PTPRN2: variants seen among roughly 807,000 people sequenced by gnomAD.
The protein encoded by PTPRN2 is receptor-type tyrosine-protein phosphatase N2.
A neutral mutation model predicts 118.8 loss-of-function variants in PTPRN2; 74 were observed. The ratio of observed to expected loss-of-function variants is 0.62; its 90% confidence interval spans 0.52 to 0.76. The LOEUF (loss-of-function observed/expected upper bound fraction) is 0.76, where lower values mean the gene tolerates loss of function less well. Ranked by LOEUF, PTPRN2 falls within the 30% of genes least tolerant of loss-of-function variation. The probability of loss-of-function intolerance (pLI) is 0.00; values close to 1 mark genes in which losing one functional copy is unlikely to be tolerated. For synonymous variants in PTPRN2, 641 were observed against 608.0 expected (o/e 1.05, Z -0.80); for missense variants, 1,481 against 1,394.4 (o/e 1.06, Z -0.99).
At chr7:158,229,311 T>C (rs118165545) in intron 3 of PTPRN2, among the ~76,000 whole-genome samples, 24 of 151,966 alleles carry the variant, frequency 1.6e-4, no homozygotes, top group African/African-American at 5.8e-4. Context: ...CTGGAGTAAA[T>C]AAATAATCCT....
intron 15 of PTPRN2, among the ~76,000 whole-genome samples, chr7:157,613,850 C>CA (rs1491209833): frequency 6.6e-6 from 1 of 152,218 alleles, no homozygotes; most frequent in Admixed American, 6.5e-5. Context: ...GCGGCCCCCC[C>CA]ACAGTGTGCC....
chr7:158,327,201 A>G (rs1330745079), intron 2 of PTPRN2, among the ~76,000 whole-genome samples: 2 of 150,456 alleles, frequency 1.3e-5, no homozygotes, highest in African/African-American at 2.5e-5. Flanking sequence ...TCACACATGC[A>G]CACATTCTCA....
rs148518192 is a variant in PTPRN2 at position 158,450,904 on chromosome 7, A to T, written c.163+38831T>A. On this transcript the variant is annotated intron_variant, in intron 2 of 22. Coordinates refer to ENST00000389418, the MANE Select transcript of PTPRN2 (RefSeq NM_002847.5). ...AGCCGCAGCAAACACACCTCTCCAC[A>T]TTCCAGCACACCTGCCCACCTGCTG... Among the ~76,000 whole-genome samples the T allele has an allele frequency of 3.0e-3, 452 of 152,264 alleles. 15 individuals are homozygous for T. The South Asian group carries it at 0.051, about 17-fold the overall frequency.
At chr7:158,448,922 C>A (rs1817912543) in intron 2 of PTPRN2, among the ~76,000 whole-genome samples, 1 of 152,196 alleles carries the variant, frequency 6.6e-6, no homozygotes, top group Non-Finnish European at 1.5e-5. Context: ...CGGCACTTTG[C>A]ACTTTGTGTC....
chr7:158,341,637 C>T (rs1445136598), intron 2 of PTPRN2, among the ~76,000 whole-genome samples: 3 of 85,302 alleles, frequency 3.5e-5, no homozygotes, highest in Non-Finnish European at 7.4e-5. Flanking sequence ...AGAGGTAACA[C>T]ATGCAGACGT....
chr7:157,800,700 C>T (rs965710665), intron 12 of PTPRN2, among the ~76,000 whole-genome samples: 1 of 152,060 alleles, frequency 6.6e-6, no homozygotes, highest in African/African-American at 2.4e-5. Context: ...GGCCTGTAAT[C>T]CCAGCACTTT....
At chr7:158,047,343 G>A (rs955355565) in intron 11 of PTPRN2, among the ~76,000 whole-genome samples, 3 of 152,244 alleles carry the variant, frequency 2.0e-5, no homozygotes, top group Admixed American at 1.3e-4. Context: ...CAGCTCAGGA[G>A]AATAAACAAG....
At chr7:158,440,594 T>G (rs1463801772) in intron 2 of PTPRN2, among the ~76,000 whole-genome samples, 1 of 150,380 alleles carries the variant, frequency 6.6e-6, no homozygotes, top group Non-Finnish European at 1.5e-5. Flanking sequence ...ACAATGGTGG[T>G]GGTGATGGTG....
chr7:158,249,122 CCACA>C (rs1272166064), intron 3 of PTPRN2, among the ~76,000 whole-genome samples: 1 of 151,452 alleles, frequency 6.6e-6, no homozygotes, highest in African/African-American at 2.4e-5. Context: ...CATGAACATG[CCACA>C]CACACCACAC....
intron 2 of PTPRN2, among the ~76,000 whole-genome samples, chr7:158,336,978 ATGCC>A (rs1563166220): frequency 0.032 from 816 of 25,640 alleles, no homozygotes; most frequent in African/African-American, 0.05. Flanking sequence ...ATAAGAGCTG[ATGCC>A]CGCAGACGTC....
Position 157,711,789 on chromosome 7 carries a change from G to A in PTPRN2, c.1789-28852C>T, listed in dbSNP as rs565800752. ...GGGCATATGTGTCTCTCCCATGGCC[G>A]TCATTTTCTACCGACTTTGTTATTT... On this transcript the variant is annotated intron_variant, in intron 12 of 22. Coordinates refer to ENST00000389418, the MANE Select transcript of PTPRN2 (RefSeq NM_002847.5). 1.1e-4 allele frequency among the ~76,000 whole-genome samples: 17 copies of A among 152,108 alleles called. No homozygotes were observed. The South Asian group carries it at 2.3e-3, about 20-fold the overall frequency.
At chr7:158,305,656 C>A (rs973849797) in intron 3 of PTPRN2, among the ~76,000 whole-genome samples, 1 of 152,118 alleles carries the variant, frequency 6.6e-6, no homozygotes, top group Non-Finnish European at 1.5e-5. Context: ...CTGTAGACAT[C>A]AGTGAAAATG....
chr7:157,715,296 G>T (rs1400672037), intron 12 of PTPRN2, among the ~76,000 whole-genome samples: 1 of 152,178 alleles, frequency 6.6e-6, no homozygotes, highest in East Asian at 1.9e-4. Flanking sequence ...GAGACAGGCC[G>T]GCGGCCGCGG....
At position 157,753,720 on chromosome 7, in the gene PTPRN2, A is replaced by C. The variant is rs563469662; in HGVS notation, c.1789-70783T>G. ...TAACGCCTCCCCTCCGTTCTCTACC[A>C]TGTGCCAGGCCCCACACCTGCCCTA... On this transcript the variant is annotated intron_variant, in intron 12 of 22. Transcript: ENST00000389418. 2.0e-5 allele frequency among the ~76,000 whole-genome samples: 3 copies of C among 147,970 alleles called. No individual in the cohort carries two copies. In the East Asian group the frequency reaches 5.9e-4, roughly 29 times the overall value.
intron 3 of PTPRN2, among the ~76,000 whole-genome samples, chr7:158,243,526 G>A (rs1369863528): frequency 1.3e-5 from 2 of 152,178 alleles, no homozygotes; most frequent in South Asian, 2.1e-4. Flanking sequence ...ATGGTTCTGT[G>A]GACCCCAGAA....
At chr7:158,419,028 T>C (rs535990818) in intron 2 of PTPRN2, among the ~76,000 whole-genome samples, 10 of 152,368 alleles carry the variant, frequency 6.6e-5, no homozygotes, top group Admixed American at 2.0e-4. Context: ...GTGGCTCACA[T>C]AGTCCTTGCC....
intron 3 of PTPRN2, among the ~76,000 whole-genome samples, chr7:158,280,952 G>A (rs75860209): frequency 3.9e-5 from 6 of 152,348 alleles, no homozygotes; most frequent in African/African-American, 1.2e-4. Flanking sequence ...ATAGGCTAGC[G>A]AGAGTCTAAA....
chr7:158,274,295 G>A (rs1271015798), intron 3 of PTPRN2, among the ~76,000 whole-genome samples: 1 of 137,572 alleles, frequency 7.3e-6, no homozygotes, highest in African/African-American at 2.8e-5. Context: ...GCAGACACAG[G>A]AGGAGACACA....
At chr7:158,323,836 G>T (rs1195459982) in intron 2 of PTPRN2, among the ~76,000 whole-genome samples, 1 of 152,134 alleles carries the variant, frequency 6.6e-6, no homozygotes, top group Non-Finnish European at 1.5e-5. Context: ...CACCACACGT[G>T]TGTACACGGT....
Sources: allele counts gnomAD v4.1 joint callset (sites outside exome capture counted in the v4.1 genomes callset), GRCh38; gene constraint gnomAD v4.1.1; transcripts MANE v1.5; gene names NCBI Gene and HGNC (gene_info 2026-07-23, HGNC 2026-07-21).